Variants in C3orf70 observed in about 807,000 individuals in gnomAD.
The protein encoded by C3orf70 is UPF0524 protein C3orf70.
C3orf70 carries 15 observed loss-of-function variants against 20.7 expected under a neutral mutation model. That is an observed-to-expected ratio of 0.72 (90% CI 0.48 to 1.11). C3orf70 has a LOEUF of 1.11. C3orf70 is among the 50% of genes most tolerant of loss of function. C3orf70 has a pLI of 0.00. For missense variants in C3orf70, 332 were observed against 317.6 expected, an observed-to-expected ratio of 1.05 and a Z score of -0.34; for synonymous variants, 161 against 125.7, an observed-to-expected ratio of 1.28 and a Z score of -1.88.
rs142860145 is a variant in C3orf70, at chr3:185,103,301, A to G, written c.197-19738T>C. On this transcript the variant is annotated intron_variant, in intron 1 of 1. Coordinates refer to ENST00000335012, the MANE Select transcript of C3orf70 (RefSeq NM_001025266.3). Reference sequence around the variant, plus strand: ...CCATTCTGGACATAGGAACGGGCAAAGATTTCATGACAAAGACACGAAAAG... The same window carrying G: ...CCATTCTGGACATAGGAACGGGCAAGGATTTCATGACAAAGACACGAAAAG... 7.3e-3 allele frequency among the ~76,000 whole-genome samples: 1,111 copies of G among 152,288 alleles called. 20 individuals are homozygous for G. The highest frequency in any genetic ancestry group is 0.026 in the African/African-American group (1,076 of 41,560).
At chr3:185,134,838 GC>G (rs1371731054) in intron 1 of C3orf70, among the ~76,000 whole-genome samples, 4 of 152,020 alleles carry the variant, frequency 2.6e-5, no homozygotes, top group Non-Finnish European at 5.9e-5. Context: ...TGGTACTGAG[GC>G]CCCCCATGGT....
intron 1 of C3orf70, among the ~76,000 whole-genome samples, chr3:185,119,206 C>T (rs2108598437): frequency 6.6e-6 from 1 of 152,244 alleles, no homozygotes; most frequent in African/African-American, 2.4e-5. Flanking sequence ...GTTGCCTCTC[C>T]TAAACCAAGA....
intron 1 of C3orf70, among the ~76,000 whole-genome samples, chr3:185,123,507 CT>C (rs35575125): frequency 3.4e-3 from 479 of 139,976 alleles, no homozygotes; most frequent in Middle Eastern, 3.8e-3. Flanking sequence ...TTTTTCTTTC[CT>C]TTTTTTTTTT....
In C3orf70 at chr3:185,120,348, T is replaced by C. The variant is rs749141083; in HGVS notation, c.196+32280A>G. Among the ~76,000 whole-genome samples the C allele has an allele frequency of 5.9e-5, 9 of 152,278 alleles. 1 individual carries two copies. The highest frequency in any genetic ancestry group is 4.1e-4 in the South Asian group (2 of 4,822). ...ACAAGATTCCTTTACCTTCATAATG[T>C]TGGCATTCTAGGAGGGGAAAGTAGA... On this transcript the variant is annotated intron_variant, in intron 1 of 1. Coordinates refer to ENST00000335012, the MANE Select transcript of C3orf70 (RefSeq NM_001025266.3).
At chr3:185,141,992 A>T (rs1207735791) in intron 1 of C3orf70, among the ~76,000 whole-genome samples, 1 of 152,200 alleles carries the variant, frequency 6.6e-6, no homozygotes, top group Admixed American at 6.5e-5. Context: ...CAGGGAAATC[A>T]TTAGGTAAGC....
intron 1 of C3orf70, among the ~76,000 whole-genome samples, chr3:185,134,532 A>G (rs1333854129): frequency 6.6e-6 from 1 of 152,124 alleles, no homozygotes; most frequent in African/African-American, 2.4e-5. Flanking sequence ...CTTGGGGCTA[A>G]AAAAGTTGTC....
chr3:185,150,323 C>CTGT (rs1561373532), intron 1 of C3orf70, among the ~76,000 whole-genome samples: 2 of 152,286 alleles, frequency 1.3e-5, no homozygotes. Flanking sequence ...TGAACATGTA[C>CTGT]TGTACTACTG....
chr3:185,129,447 T>C (rs1056320444), intron 1 of C3orf70, among the ~76,000 whole-genome samples: 1 of 152,184 alleles, frequency 6.6e-6, no homozygotes, highest in Non-Finnish European at 1.5e-5. Flanking sequence ...TGTGGGTATG[T>C]ACCACATTTT....
At chr3:185,139,873 T>A (rs1475279528) in intron 1 of C3orf70, among the ~76,000 whole-genome samples, 1 of 151,678 alleles carries the variant, frequency 6.6e-6, no homozygotes, top group African/African-American at 2.4e-5. Context: ...TATAAAAATT[T>A]TAGAAAAAAA....
At chr3:185,140,923 G>A (rs1384265810) in intron 1 of C3orf70, among the ~76,000 whole-genome samples, 3 of 149,852 alleles carry the variant, frequency 2.0e-5, no homozygotes, top group Admixed American at 1.3e-4. Flanking sequence ...ACCCGAGATC[G>A]TGCCACTGCA....
At chr3:185,115,962 T>C (rs1465988429) in intron 1 of C3orf70, among the ~76,000 whole-genome samples, 1 of 152,174 alleles carries the variant, frequency 6.6e-6, no homozygotes, top group East Asian at 1.9e-4. Flanking sequence ...CATTGGGGAT[T>C]AGGATTTCAA....
intron 1 of C3orf70, among the ~76,000 whole-genome samples, chr3:185,136,810 C>T (rs1305609063): frequency 6.7e-6 from 1 of 150,350 alleles, no homozygotes; most frequent in African/African-American, 2.5e-5. Context: ...TACTCAGGAA[C>T]GAGGCAGGAG....
chr3:185,100,484 C>A (rs895559968), intron 1 of C3orf70, among the ~76,000 whole-genome samples: 2 of 152,124 alleles, frequency 1.3e-5, no homozygotes, highest in Admixed American at 1.3e-4. Context: ...AAAAGAAATT[C>A]TTTGAAACCA....
chr3:185,085,472 C>T (rs926630316), intron 1 of C3orf70, among the ~76,000 whole-genome samples: 7 of 152,260 alleles, frequency 4.6e-5, no homozygotes, highest in African/African-American at 1.7e-4. Context: ...TCATTTTCAT[C>T]CTGGGGTACC....
At chr3:185,113,435 G>A (rs904548307) in intron 1 of C3orf70, among the ~76,000 whole-genome samples, 9 of 152,090 alleles carry the variant, frequency 5.9e-5, no homozygotes, top group East Asian at 1.9e-4. Context: ...CCTTTTCTTC[G>A]AACATGGCTG....
At chr3:185,085,415 C>T (rs1715439476) in intron 1 of C3orf70, among the ~76,000 whole-genome samples, 1 of 152,158 alleles carries the variant, frequency 6.6e-6, no homozygotes, top group African/African-American at 2.4e-5. Flanking sequence ...AAAAAAGCCA[C>T]TCAGGTACCA....
chr3:185,153,047 G>GCGCGCCGCGCCCCACGCGCACACGCA lies in C3orf70; in HGVS notation c.-225_-224insTGCGTGTGCGCGTGGGGCGCGGCGCG, dbSNP rs1196580785. 1.4e-4 allele frequency: 21 copies of GCGCGCCGCGCCCCACGCGCACACGCA among 153,502 alleles called. No homozygotes were observed. The highest frequency in any genetic ancestry group is 4.4e-4 in the African/African-American group (18 of 41,008). The allele number at this position is 153,502 out of a possible 1,614,324, so 9.5% of individuals were successfully genotyped here. ...GCAGCCTCCCTCCCTCCGGCGCGGC[G>GCGCGCCGCGCCCCACGCGCACACGCA]CGCGCCGCGCCCCACGCGCACACGC... On this transcript the variant is annotated 5_prime_UTR_variant, in exon 1 of 2. Transcript: ENST00000335012. The surrounding 1 kb of genome is among the most constrained non-coding windows in gnomAD (Gnocchi z 6.8).
At chr3:185,140,211 T>C (rs2108605687) in intron 1 of C3orf70, among the ~76,000 whole-genome samples, 1 of 152,282 alleles carries the variant, frequency 6.6e-6, no homozygotes, top group African/African-American at 2.4e-5. Context: ...ACCCATGTTG[T>C]TCAAGGGTCA....
rs528984456 is a variant in C3orf70 at position 185,127,696 on chromosome 3, T to C, written c.196+24932A>G. Among the ~76,000 whole-genome samples, 13 of 152,268 alleles carry C rather than the reference T, an allele frequency of 8.5e-5. No homozygotes were observed. In the South Asian group the frequency reaches 2.7e-3, roughly 32 times the overall value. On this transcript the variant is annotated intron_variant, in intron 1 of 1. Coordinates refer to ENST00000335012, the MANE Select transcript of C3orf70 (RefSeq NM_001025266.3). ...CTCAGGTGATCCATCCGCCTCAGCC[T>C]CTCAAAGTGCTGGGATTACAGGCGT...
Sources: allele counts gnomAD v4.1 joint callset (sites outside exome capture counted in the v4.1 genomes callset), GRCh38; gene constraint gnomAD v4.1.1; non-coding constraint Gnocchi (gnomAD v3.1); transcripts MANE v1.5; gene names NCBI Gene and HGNC (gene_info 2026-07-23, HGNC 2026-07-21).